The following CYP4F12 variants were observed in gnomAD, a reference collection of about 807,000 sequenced individuals.
CYP4F12 encodes cytochrome P450 4F12.
In CYP4F12, 60 loss-of-function variants were observed where a neutral mutation model predicts 56.5. That is an observed-to-expected ratio of 1.06 (90% CI 0.86 to 1.32). The LOEUF (loss-of-function observed/expected upper bound fraction) is 1.32. CYP4F12 is among the 40% of genes most tolerant of loss of function. The pLI, the probability that CYP4F12 is intolerant of heterozygous loss-of-function variation, is 0.00. For synonymous variants in CYP4F12, 263 were observed against 264.9 expected, an observed-to-expected ratio of 0.99 and a Z score of 0.07; for missense variants, 711 against 683.5, an observed-to-expected ratio of 1.04 and a Z score of -0.45.
chr19:15,686,588 A>C (rs2007617694), intron 9 of CYP4F12, among the ~76,000 whole-genome samples: 1 of 152,206 alleles, frequency 6.6e-6, no homozygotes, highest in African/African-American at 2.4e-5. Context: ...GTGATGAGAT[A>C]ATAACTATGG....
chr19:15,678,656 C>T (rs2144715593), intron 3 of CYP4F12: 1 of 471,676 alleles, frequency 2.1e-6, no homozygotes, highest in East Asian at 3.5e-5. Context: ...GAGACATTTC[C>T]AGCCTCATAG....
chr19:15,679,749 G>A (rs188027530), intron 3 of CYP4F12, among the ~76,000 whole-genome samples: 4 of 152,274 alleles, frequency 2.6e-5, no homozygotes, highest in South Asian at 2.1e-4. Flanking sequence ...GCCAGGTTTC[G>A]GAATCCATTC....
At chr19:15,683,437 T>C in intron 6 of CYP4F12, 56 bp from the exon 7 acceptor site, 1 of 1,527,330 alleles carries the variant, frequency 6.5e-7, no homozygotes, top group Non-Finnish European at 8.8e-7. Context: ...TGGGAGGTGT[T>C]CCTGGGGCTT....
At chr19:15,689,688 T>C (rs2007784831) in intron 9 of CYP4F12, among the ~76,000 whole-genome samples, 1 of 152,136 alleles carries the variant, frequency 6.6e-6, no homozygotes, top group African/African-American at 2.4e-5. Context: ...ATTGTAAAGG[T>C]ACGGAACCAA....
intron 9 of CYP4F12, among the ~76,000 whole-genome samples, chr19:15,686,321 A>C (rs76280007): frequency 4.9e-4 from 74 of 152,368 alleles, no homozygotes; most frequent in African/African-American, 1.7e-3. Flanking sequence ...AAGTGCCTCA[A>C]CTGAAACCCT....
intron 9 of CYP4F12, among the ~76,000 whole-genome samples, chr19:15,690,068 A>T (rs115893428): frequency 4.8e-4 from 73 of 152,352 alleles, no homozygotes; most frequent in African/African-American, 1.7e-3. Context: ...TCATCCATGT[A>T]ACCAAACCAC....
chr19:15,685,080 C>T lies in CYP4F12; in HGVS notation c.998C>T (p.Thr333Met), dbSNP rs199760551. Residue 333 changes from threonine to methionine, a missense_variant, in exon 9 of 13, where the codon ACG becomes ATG. By Grantham distance (81) the Thr-to-Met change is moderately conservative. Transcript: ENST00000550308. ...DTFMFGGHDT[T>M]ASGLSWVLYN... Reference sequence around the variant, plus strand: ...GGCTGCTCCTCAGGCCATGACACCACGGCCAGTGGCCTCTCCTGGGTCCTG... The same window carrying T: ...GGCTGCTCCTCAGGCCATGACACCATGGCCAGTGGCCTCTCCTGGGTCCTG... The T allele has an allele frequency of 1.1e-4, 176 of 1,613,850 alleles. No individual in the cohort carries two copies. In the African/African-American group the frequency reaches 1.1e-3, roughly 10 times the overall value.
At chr19:15,677,828 A>C (rs796377625) in intron 2 of CYP4F12, among the ~76,000 whole-genome samples, 1 of 998 alleles carries the variant, frequency 1.0e-3, no homozygotes, top group African/African-American at 2.7e-3. Context: ...TCACTCACTC[A>C]TTCCTCTGCT....
chr19:15,693,084 CA>C (rs902307245), intron 9 of CYP4F12, among the ~76,000 whole-genome samples: 5 of 151,942 alleles, frequency 3.3e-5, no homozygotes, highest in African/African-American at 1.2e-4. Context: ...CTCCCCCCAT[CA>C]AAAAAGATAC....
At chr19:15,692,047 C>T (rs1412930611) in intron 9 of CYP4F12, among the ~76,000 whole-genome samples, 4 of 152,094 alleles carry the variant, frequency 2.6e-5, no homozygotes, top group African/African-American at 7.2e-5. Flanking sequence ...AACCTCCTGC[C>T]TCTCTGGTTC....
At chr19:15,686,563 G>C (rs560366938) in intron 9 of CYP4F12, among the ~76,000 whole-genome samples, 26 of 152,266 alleles carry the variant, frequency 1.7e-4, no homozygotes, top group African/African-American at 6.3e-4. Context: ...GAATGAGAGA[G>C]AAAGGAACTG....
chr19:15,684,946 G>A lies in CYP4F12; in HGVS notation c.985+64G>A, dbSNP rs781468947. On this transcript the variant is annotated intron_variant, in intron 8 of 12. Coordinates refer to ENST00000550308, the MANE Select transcript of CYP4F12 (RefSeq NM_023944.4). The stretch of plus-strand genomic sequence containing the variant: ...TCCCTCCATCTCAGGATCCGGGTGG[G>A]TGGACCCTGGATCACTCCATTCTGC... 3 of 1,567,000 alleles carry A rather than the reference G, an allele frequency of 1.9e-6. No individual in the cohort carries two copies. In the South Asian group the frequency reaches 3.6e-5, roughly 19 times the overall value.
At chr19:15,674,669 C>CCTCCCTCACTCATTCCT (rs2006825568) in intron 2 of CYP4F12, among the ~76,000 whole-genome samples, 6 of 107,354 alleles carry the variant, frequency 5.6e-5, no homozygotes, top group South Asian at 2.8e-4. Flanking sequence ...TCATTCCTCT[C>CCTCCCTCACTCATTCCT]CTCACTCACT....
At chr19:15,675,938 T>C (rs1214900374) in intron 2 of CYP4F12, among the ~76,000 whole-genome samples, 2 of 152,116 alleles carry the variant, frequency 1.3e-5, no homozygotes, top group Non-Finnish European at 2.9e-5. Flanking sequence ...ATTATGGGAA[T>C]TGGATAATGT....
At chr19:15,677,107 C>A (rs201531863) in intron 2 of CYP4F12, among the ~76,000 whole-genome samples, 1 of 126,444 alleles carries the variant, frequency 7.9e-6, no homozygotes, top group African/African-American at 2.9e-5. Context: ...TCACTCATTC[C>A]TCTGCTCACT....
At chr19:15,674,588 TGCCCAC>T (rs2006817372) in intron 2 of CYP4F12, among the ~76,000 whole-genome samples, 20 of 133,886 alleles carry the variant, frequency 1.5e-4, no homozygotes, top group South Asian at 2.4e-4. Flanking sequence ...CTCATTCCTC[TGCCCAC>T]TCACTCATTC....
rs1409608209 is a variant in CYP4F12, at chr19:15,683,568, G to T, written c.723G>T (p.Gln241His). The T allele has an allele frequency of 7.4e-6, 12 of 1,614,038 alleles. No individual in the cohort carries two copies. In the African/African-American group the frequency reaches 1.6e-4, roughly 22 times the overall value. The change falls in exon 7 of 13, where the codon CAG becomes CAT. Residue 241 changes from glutamine to histidine, a missense_variant. By Grantham distance (24) the Gln-to-His change is conservative. Transcript: ENST00000550308. The stretch of plus-strand genomic sequence containing the variant: ...AGAAAAGAAGCCAGCATATCCTCCA[G>T]CACATGGACTTTCTGTATTACCTCT... ...LVEKRSQHIL[Q>H]HMDFLYYLSH...
chr19:15,694,280 A>G (rs1233083385), intron 9 of CYP4F12, among the ~76,000 whole-genome samples: 5 of 152,238 alleles, frequency 3.3e-5, no homozygotes, highest in African/African-American at 1.2e-4. Flanking sequence ...TATCTTGGGC[A>G]GTATGGCCAT....
At chr19:15,683,096 G>GAGAGAGAGAC (rs1568419308) in intron 6 of CYP4F12, among the ~76,000 whole-genome samples, 30 of 152,086 alleles carry the variant, frequency 2.0e-4, no homozygotes, top group African/African-American at 7.0e-4. Flanking sequence ...GAGAGACAGA[G>GAGAGAGAGAC]AGAGAGAGAG....
Sources: gnomAD v4.1 joint callset for allele counts (sites outside exome capture counted in the v4.1 genomes callset) on GRCh38, gnomAD v4.1.1 for gene constraint, MANE v1.5 for transcripts, NCBI Gene and HGNC (gene_info 2026-07-23, HGNC 2026-07-21) for gene names.